Variants in IL1RAPL1 observed in about 807,000 individuals in gnomAD.
IL1RAPL1 encodes interleukin-1 receptor accessory protein-like 1.
IL1RAPL1 carries 3 observed loss-of-function variants against 48.4 expected under a neutral mutation model. The observed-to-expected ratio is 0.06, with a 90% confidence interval of 0.03 to 0.16. The LOEUF is 0.16. Among genes scored for constraint, IL1RAPL1 ranks in the 10% least tolerant of loss-of-function variants. The pLI, the probability that IL1RAPL1 is intolerant of heterozygous loss-of-function variation, is 1.00. For missense variants in IL1RAPL1, 349 were observed against 530.6 expected (o/e 0.66, Z 3.36); for synonymous variants, 185 against 187.7 (o/e 0.99, Z 0.12).
At chrX:28,873,811 A>G (rs77445804) in intron 2 of IL1RAPL1, among the ~76,000 whole-genome samples, 4,914 of 109,418 alleles carry the variant, frequency 0.045, 168 homozygotes, top group African/African-American at 0.12. Context: ...GATTACAAGC[A>G]TGAGCCACCG....
At chrX:29,457,873 T>C (rs1162517679) in intron 5 of IL1RAPL1, among the ~76,000 whole-genome samples, 1 of 112,487 alleles carries the variant, frequency 8.9e-6, no homozygotes, top group African/African-American at 3.2e-5. Context: ...TTTTTGACTT[T>C]TCAAATAGCT....
chrX:29,084,523 T>C (rs1927910487), intron 2 of IL1RAPL1, among the ~76,000 whole-genome samples: 1 of 112,092 alleles, frequency 8.9e-6, no homozygotes, highest in Non-Finnish European at 1.9e-5. Context: ...TAAATCAATC[T>C]TATTATTTTA....
intron 2 of IL1RAPL1, among the ~76,000 whole-genome samples, chrX:28,824,092 C>T (rs1182917075): frequency 9.0e-6 from 1 of 111,206 alleles, no homozygotes; most frequent in Non-Finnish European, 1.9e-5. Context: ...TATTTATTTG[C>T]ATTTCAAACT....
Position 29,328,932 on chromosome X carries a change from A to C in IL1RAPL1, c.362+45715A>C, listed in dbSNP as rs956134766. 3.6e-5 allele frequency among the ~76,000 whole-genome samples: 4 copies of C among 111,411 alleles called. No homozygotes were observed. The Admixed American group carries it at 3.8e-4, about 11-fold the overall frequency. Reference sequence around the variant, plus strand: ...ATTAAAAGGTTAATAAAATGGGCTGATATTTCTCATTATATATGAGATAGC... The same window carrying C: ...ATTAAAAGGTTAATAAAATGGGCTGCTATTTCTCATTATATATGAGATAGC... On this transcript the variant is annotated intron_variant, in intron 3 of 10. Coordinates refer to ENST00000378993, the MANE Select transcript of IL1RAPL1 (RefSeq NM_014271.4).
At chrX:28,730,093 C>T (rs766787985) in intron 1 of IL1RAPL1, among the ~76,000 whole-genome samples, 8 of 112,013 alleles carry the variant, frequency 7.1e-5, no homozygotes, top group African/African-American at 2.6e-4. Context: ...ATTATTATGA[C>T]ACTTGTAAAG....
At chrX:29,468,096 A>C (rs771875568) in intron 5 of IL1RAPL1, among the ~76,000 whole-genome samples, 1 of 111,828 alleles carries the variant, frequency 8.9e-6, no homozygotes, top group South Asian at 3.7e-4. Flanking sequence ...CCTGACCTCA[A>C]GTGATCCAGC....
intron 2 of IL1RAPL1, among the ~76,000 whole-genome samples, chrX:28,919,126 G>A (rs1342408880): frequency 9.0e-6 from 1 of 111,409 alleles, no homozygotes; most frequent in East Asian, 2.8e-4. Flanking sequence ...AACTGCGCGA[G>A]TGATATACTT....
chrX:29,524,073 C>G (rs1425333732), intron 5 of IL1RAPL1, among the ~76,000 whole-genome samples: 1 of 109,728 alleles, frequency 9.1e-6, no homozygotes. Context: ...ATTATATAAT[C>G]TATTGCAACA....
At chrX:28,673,191 G>A (rs1011210928) in intron 1 of IL1RAPL1, among the ~76,000 whole-genome samples, 9 of 111,867 alleles carry the variant, frequency 8.0e-5, no homozygotes, top group Non-Finnish European at 1.7e-4. Flanking sequence ...AAATAAGGCT[G>A]CACAGCTACA....
chrX:29,319,542 G>GTATCTATCTATC (rs1278610381), intron 3 of IL1RAPL1, among the ~76,000 whole-genome samples: 1 of 80,666 alleles, frequency 1.2e-5, no homozygotes, highest in Non-Finnish European at 2.5e-5. Flanking sequence ...ATGTATGTAT[G>GTATCTATCTATC]TATGTATGTA....
At chrX:29,485,410 G>T (rs1400594757) in intron 5 of IL1RAPL1, among the ~76,000 whole-genome samples, 1 of 111,517 alleles carries the variant, frequency 9.0e-6, no homozygotes, top group Non-Finnish European at 1.9e-5. Flanking sequence ...GGACACTAGG[G>T]ATTTTACAAA....
At chrX:28,698,474 T>G (rs1935260030) in intron 1 of IL1RAPL1, among the ~76,000 whole-genome samples, 2 of 111,712 alleles carry the variant, frequency 1.8e-5, no homozygotes, top group African/African-American at 6.5e-5. Flanking sequence ...TTATTCTGGT[T>G]CAAATCACCT....
intron 3 of IL1RAPL1, among the ~76,000 whole-genome samples, chrX:29,316,241 G>T (rs1219718554): frequency 9.0e-6 from 1 of 111,668 alleles, no homozygotes; most frequent in Admixed American, 9.5e-5. Flanking sequence ...ATTGAGAATT[G>T]TGCTATAGGG....
chrX:28,873,752 G>C (rs6628396), intron 2 of IL1RAPL1, among the ~76,000 whole-genome samples: 32,148 of 105,408 alleles, frequency 0.3, 3,979 homozygotes, highest in East Asian at 0.5. Context: ...AGGATGGTCT[G>C]GATCTCCTGA....
chrX:29,553,411 A>G (rs1043625640), intron 5 of IL1RAPL1, among the ~76,000 whole-genome samples: 2 of 111,481 alleles, frequency 1.8e-5, no homozygotes, highest in Non-Finnish European at 3.8e-5. Flanking sequence ...GCTGTAATCC[A>G]CTGTCATTAT....
chrX:28,719,534 T>TA (rs199551776), intron 1 of IL1RAPL1, among the ~76,000 whole-genome samples: 58 of 107,943 alleles, frequency 5.4e-4, no homozygotes, highest in Middle Eastern at 5.0e-3. Flanking sequence ...AGTTTTTTTT[T>TA]AAATGTAAGC....
At chrX:29,887,260 T>A (rs1192496568) in intron 6 of IL1RAPL1, among the ~76,000 whole-genome samples, 2 of 112,293 alleles carry the variant, frequency 1.8e-5, no homozygotes, top group Non-Finnish European at 3.8e-5. Context: ...AATTGGAAAC[T>A]TTCAGCAAAA....
chrX:29,776,283 G>A (rs1929195668), intron 6 of IL1RAPL1, among the ~76,000 whole-genome samples: 1 of 111,065 alleles, frequency 9.0e-6, no homozygotes, highest in East Asian at 2.8e-4. Context: ...AGGCACTTAG[G>A]GCCCTGAGTC....
intron 5 of IL1RAPL1, among the ~76,000 whole-genome samples, chrX:29,441,600 A>G (rs1934548140): frequency 9.0e-6 from 1 of 111,398 alleles, no homozygotes; most frequent in African/African-American, 3.3e-5. Context: ...TATACTGCAC[A>G]CTTCTTTTCC....
Sources: allele counts gnomAD v4.1 joint callset (sites outside exome capture counted in the v4.1 genomes callset), GRCh38; gene constraint gnomAD v4.1.1; transcripts MANE v1.5; gene names NCBI Gene and HGNC (gene_info 2026-07-23, HGNC 2026-07-21).